Variants in CNTN1 observed in about 807,000 individuals in gnomAD.
CNTN1 encodes the protein contactin 1, also known as contactin-1.
In CNTN1, 38 loss-of-function variants were observed where a neutral mutation model predicts 126.4. The observed-to-expected ratio is 0.30, with a 90% CI of 0.23 to 0.39. The LOEUF (loss-of-function observed/expected upper bound fraction) is 0.39. Ranked by LOEUF, CNTN1 falls within the 10% of genes least tolerant of loss-of-function variation. The pLI, the probability that CNTN1 is intolerant of heterozygous loss-of-function variation, is 1.00. For missense variants in CNTN1, 1,009 were observed against 1,248.4 expected (o/e 0.81, Z 2.89); for synonymous variants, 413 against 422.6 (o/e 0.98, Z 0.28).
intron 1 of CNTN1, among the ~76,000 whole-genome samples, chr12:40,831,497 C>T (rs1245311573): frequency 1.3e-5 from 2 of 152,098 alleles, no homozygotes; most frequent in Non-Finnish European, 2.9e-5. Context: ...ATATCATCTT[C>T]TTTTCTCTCC....
chr12:40,963,155 C>G (rs1947167696), intron 15 of CNTN1, among the ~76,000 whole-genome samples: 1 of 151,948 alleles, frequency 6.6e-6, no homozygotes, highest in African/African-American at 2.4e-5. Flanking sequence ...GGTGTGGTGG[C>G]TCACAACTGT....
chr12:40,713,905 G>A (rs1941986389), intron 1 of CNTN1, among the ~76,000 whole-genome samples: 1 of 151,944 alleles, frequency 6.6e-6, no homozygotes, highest in African/African-American at 2.4e-5. Flanking sequence ...TTTTTCCCCT[G>A]TATTATGAAA....
chr12:40,803,378 G>A (rs1940726321), intron 1 of CNTN1, among the ~76,000 whole-genome samples: 1 of 151,982 alleles, frequency 6.6e-6, no homozygotes, highest in Non-Finnish European at 1.5e-5. Context: ...AAGAGCATCA[G>A]TGATTTCACC....
intron 1 of CNTN1, among the ~76,000 whole-genome samples, chr12:40,804,071 C>G (rs1029748348): frequency 5.3e-5 from 8 of 151,894 alleles, no homozygotes; most frequent in African/African-American, 1.9e-4. Flanking sequence ...GCTCTAGAGA[C>G]TACTGAATGC....
chr12:40,882,361 G>C (rs1943897774), intron 1 of CNTN1, among the ~76,000 whole-genome samples: 1 of 151,662 alleles, frequency 6.6e-6, no homozygotes, highest in Non-Finnish European at 1.5e-5. Context: ...GTTTGATTCA[G>C]AGACTGTTAC....
At position 40,710,457 on chromosome 12, in the gene CNTN1, T is replaced by C. The variant is rs77616103; in HGVS notation, c.-77+17865T>C. 2.7e-4 allele frequency among the ~76,000 whole-genome samples: 41 copies of C among 152,214 alleles called. 1 individual carries two copies. The East Asian group carries it at 7.7e-3, about 29-fold the overall frequency. On this transcript the variant is annotated intron_variant, in intron 1 of 23. Transcript: ENST00000551295. Reference sequence around the variant, plus strand: ...GAAAAAGTTTGAAATATTGTGAGAATTACCAAACGATGACACAGAGATAAG... The same window carrying C: ...GAAAAAGTTTGAAATATTGTGAGAACTACCAAACGATGACACAGAGATAAG...
intron 20 of CNTN1, among the ~76,000 whole-genome samples, chr12:41,021,488 A>C (rs1025344862): frequency 6.6e-5 from 10 of 152,194 alleles, no homozygotes; most frequent in Non-Finnish European, 1.3e-4. Context: ...GGCAGGCTCT[A>C]AATAGATATT....
intron 1 of CNTN1, among the ~76,000 whole-genome samples, chr12:40,760,694 A>T (rs977974017): frequency 6.6e-6 from 1 of 152,212 alleles, no homozygotes. Flanking sequence ...ACATGGTTCA[A>T]TGAAAAAATA....
At chr12:40,732,729 G>A (rs1469656104) in intron 1 of CNTN1, among the ~76,000 whole-genome samples, 1 of 152,004 alleles carries the variant, frequency 6.6e-6, no homozygotes, top group Non-Finnish European at 1.5e-5. Flanking sequence ...AGAATTTTTT[G>A]TCCAAATGTT....
intron 6 of CNTN1, among the ~76,000 whole-genome samples, chr12:40,927,981 T>C (rs564636417): frequency 6.6e-6 from 1 of 152,194 alleles, no homozygotes; most frequent in East Asian, 1.9e-4. Context: ...AGTGACTAAC[T>C]GGCCTGATAA....
rs1451980286 is a variant in CNTN1 at position 40,876,153 on chromosome 12, A to AC, written c.-76-32201dup. Among the ~76,000 whole-genome samples the AC allele has an allele frequency of 2.0e-5, 3 of 151,506 alleles. No homozygotes were observed. In the South Asian group the frequency reaches 6.2e-4, roughly 32 times the overall value. ...ATTTAGTAAAAGCCAAAAAAAAAAAACCCAGAAAACAGTTTAAGGTTTTCT... is the reference window on the plus strand; with the variant it reads ...ATTTAGTAAAAGCCAAAAAAAAAAAACCCCAGAAAACAGTTTAAGGTTTTCT... On this transcript the variant is annotated intron_variant, in intron 1 of 23. Transcript: ENST00000551295.
chr12:40,749,182 A>G (rs929865549), intron 1 of CNTN1, among the ~76,000 whole-genome samples: 10 of 152,128 alleles, frequency 6.6e-5, no homozygotes, highest in Non-Finnish European at 1.2e-4. Flanking sequence ...GAGCTATATA[A>G]TACTTGTATA....
At chr12:41,057,712 GAGA>G (rs1207247883) in intron 23 of CNTN1, among the ~76,000 whole-genome samples, 1 of 152,058 alleles carries the variant, frequency 6.6e-6, no homozygotes, top group African/African-American at 2.4e-5. Flanking sequence ...TGTGAAAAGG[GAGA>G]AGATTAAGTT....
chr12:41,021,765 T>A (rs954996699), intron 20 of CNTN1, among the ~76,000 whole-genome samples: 1 of 151,830 alleles, frequency 6.6e-6, no homozygotes, highest in East Asian at 1.9e-4. Flanking sequence ...ATAATTAGAC[T>A]GAGAATACCC....
chr12:40,748,042 G>A (rs949188495), intron 1 of CNTN1, among the ~76,000 whole-genome samples: 5 of 152,060 alleles, frequency 3.3e-5, no homozygotes, highest in African/African-American at 9.7e-5. Flanking sequence ...GTAGGCAGTC[G>A]TATTAAATGC....
intron 23 of CNTN1, among the ~76,000 whole-genome samples, chr12:41,039,067 A>C (rs1484719374): frequency 3.3e-5 from 5 of 152,218 alleles, no homozygotes; most frequent in African/African-American, 9.6e-5. Context: ...GTGAATCTGA[A>C]TCATAGAGTT....
rs368302650 is a variant in CNTN1, at chr12:40,976,031, A to G, written c.1805-4878A>G. 5.9e-5 allele frequency among the ~76,000 whole-genome samples: 9 copies of G among 152,316 alleles called. No individual in the cohort carries two copies. The South Asian group carries it at 1.9e-3, about 32-fold the overall frequency. Reference sequence around the variant, plus strand: ...GTGGTGACAAGAGAGGAGTGAAGATAAAACTGTATTTATAAAAGCATAAAA... The same window carrying G: ...GTGGTGACAAGAGAGGAGTGAAGATGAAACTGTATTTATAAAAGCATAAAA... On this transcript the variant is annotated intron_variant, in intron 15 of 23. Transcript: ENST00000551295.
At chr12:40,809,443 C>G (rs1224609474) in intron 1 of CNTN1, among the ~76,000 whole-genome samples, 2 of 152,090 alleles carry the variant, frequency 1.3e-5, no homozygotes, top group Non-Finnish European at 2.9e-5. Flanking sequence ...TCAAAAGGAA[C>G]TTATACAAAA....
intron 1 of CNTN1, among the ~76,000 whole-genome samples, chr12:40,803,098 A>G (rs1001212800): frequency 1.3e-5 from 2 of 151,942 alleles, no homozygotes; most frequent in Admixed American, 6.6e-5. Context: ...TGGGTACCTG[A>G]GTGGAAATTT....
Sources: allele counts gnomAD v4.1 joint callset (sites outside exome capture counted in the v4.1 genomes callset), GRCh38; gene constraint gnomAD v4.1.1; transcripts MANE v1.5; gene names NCBI Gene and HGNC (gene_info 2026-07-23, HGNC 2026-07-21).